FAM117B: variants seen among roughly 807,000 people sequenced by gnomAD.
FAM117B encodes the protein protein FAM117B.
FAM117B carries 22 observed loss-of-function variants against 52.8 expected under a neutral mutation model. The observed-to-expected ratio is 0.42, with a 90% CI of 0.30 to 0.59. The LOEUF (loss-of-function observed/expected upper bound fraction) is 0.59. FAM117B is among the 20% of genes least tolerant of loss of function. The pLI is 0.22. For synonymous variants in FAM117B, 309 were observed against 324.1 expected, an observed-to-expected ratio of 0.95 and a Z score of 0.50; for missense variants, 678 against 802.6, an observed-to-expected ratio of 0.84 and a Z score of 1.88.
intron 1 of FAM117B, among the ~76,000 whole-genome samples, chr2:202,657,549 C>G (rs1690071550): frequency 6.6e-6 from 1 of 152,050 alleles, no homozygotes. Flanking sequence ...TGCAGTGGCA[C>G]AATTATGGCT....
intron 2 of FAM117B, among the ~76,000 whole-genome samples, chr2:202,715,121 G>A (rs1458300347): frequency 2.6e-5 from 4 of 151,664 alleles, no homozygotes; most frequent in Non-Finnish European, 4.4e-5. Context: ...GGGCAGAGGC[G>A]CCCCCCACCT....
At chr2:202,718,902 T>C (rs1215652252) in intron 2 of FAM117B, among the ~76,000 whole-genome samples, 1 of 152,192 alleles carries the variant, frequency 6.6e-6, no homozygotes, top group Non-Finnish European at 1.5e-5. Context: ...TATCATCACA[T>C]ATATCATAAT....
intron 1 of FAM117B, among the ~76,000 whole-genome samples, chr2:202,679,367 G>A (rs938565709): frequency 6.6e-6 from 1 of 152,186 alleles, no homozygotes; most frequent in African/African-American, 2.4e-5. Flanking sequence ...TGCAGTGGCT[G>A]GAAAGAGCTG....
chr2:202,744,403 C>G (rs116428517), intron 4 of FAM117B, among the ~76,000 whole-genome samples: 1 of 152,202 alleles, frequency 6.6e-6, no homozygotes, highest in South Asian at 2.1e-4. Context: ...AGTGAATTCA[C>G]TTCTTCCCTA....
intron 2 of FAM117B, among the ~76,000 whole-genome samples, chr2:202,722,053 C>T (rs1012370366): frequency 6.7e-6 from 1 of 149,502 alleles, no homozygotes; most frequent in African/African-American, 2.5e-5. Flanking sequence ...CACTGTCGCC[C>T]GGGCTAGAGT....
intron 6 of FAM117B, 44 bp downstream of exon 6, chr2:202,757,482 C>T: frequency 6.5e-7 from 1 of 1,543,258 alleles, no homozygotes; most frequent in South Asian, 1.1e-5. Flanking sequence ...AATGGAATAC[C>T]TCCTCTTGTA....
At chr2:202,657,180 TG>T (rs970892799) in intron 1 of FAM117B, among the ~76,000 whole-genome samples, 1 of 152,038 alleles carries the variant, frequency 6.6e-6, no homozygotes, top group African/African-American at 2.4e-5. Flanking sequence ...CTCCTCCTCT[TG>T]GGTTCAAGCA....
At chr2:202,681,830 A>G (rs1473647010) in intron 1 of FAM117B, among the ~76,000 whole-genome samples, 1 of 152,234 alleles carries the variant, frequency 6.6e-6, no homozygotes, top group African/African-American at 2.4e-5. Context: ...CCTCAAACTG[A>G]AAAAGCCTGG....
Position 202,766,438 on chromosome 2 carries a change from T to G in FAM117B, c.*674T>G, listed in dbSNP as rs1179710230. Reference sequence around the variant, plus strand: ...TATAAAAAGAGATTAAAAAGCAATATTCGTACATTATGTGATTTATGTTTT... The same window carrying G: ...TATAAAAAGAGATTAAAAAGCAATAGTCGTACATTATGTGATTTATGTTTT... On this transcript the variant is annotated 3_prime_UTR_variant, in exon 8 of 8. Coordinates refer to ENST00000392238, the MANE Select transcript of FAM117B (RefSeq NM_173511.4). 1 of 152,632 alleles carries G rather than the reference T, an allele frequency of 6.6e-6. No individual in the cohort carries two copies. The highest frequency in any genetic ancestry group is 1.5e-5 in the Non-Finnish European group (1 of 68,050). The allele number at this position is 152,632 out of a possible 1,614,324, so 9.5% of individuals were successfully genotyped here.
intron 1 of FAM117B, among the ~76,000 whole-genome samples, chr2:202,663,764 A>G (rs1690164359): frequency 1.3e-5 from 2 of 152,024 alleles, no homozygotes; most frequent in Admixed American, 6.6e-5. Context: ...TTGTATTTTT[A>G]GTGGAGACGG....
chr2:202,712,356 A>G (rs1234511913), intron 2 of FAM117B, among the ~76,000 whole-genome samples: 4 of 151,200 alleles, frequency 2.6e-5, no homozygotes. Context: ...TGGCATATAG[A>G]AATATCACTG....
At position 202,743,779 on chromosome 2, in the gene FAM117B, C is replaced by T. The variant is rs1239636549; in HGVS notation, c.961-11759C>T. 2.0e-5 allele frequency among the ~76,000 whole-genome samples: 3 copies of T among 152,060 alleles called. No homozygotes were observed. In the East Asian group the frequency reaches 5.8e-4, roughly 29 times the overall value. On this transcript the variant is annotated intron_variant, in intron 4 of 7. Coordinates refer to ENST00000392238, the MANE Select transcript of FAM117B (RefSeq NM_173511.4). ...TGAGAGCTTTAGCAATAGACTAGAT[C>T]AAGCAAAAGAAAGAATTTCTCAACT... is the stretch of plus-strand genomic sequence containing the variant.
intron 1 of FAM117B, among the ~76,000 whole-genome samples, chr2:202,673,433 GTTTTTTTTTTTTTTTTTTTT>G (rs1158185300): frequency 2.7e-5 from 1 of 37,510 alleles, no homozygotes; most frequent in South Asian, 1.5e-3. Flanking sequence ...TTCTTTTTCT[GTTTTTTTTTTTTTTTTTTTT>G]TTTTTTTTTT....
chr2:202,662,128 GTGTGTGTGTGTATGTGTGTA>G (rs1409458030), intron 1 of FAM117B, among the ~76,000 whole-genome samples: 1 of 151,688 alleles, frequency 6.6e-6, no homozygotes, highest in African/African-American at 2.4e-5. Context: ...AGGTGTGTGT[GTGTGTGTGTGTATGTGTGTA>G]TGTGTGTGTG....
chr2:202,704,547 GAAAGCTGA>G (rs1165454678), intron 2 of FAM117B, among the ~76,000 whole-genome samples: 1 of 152,160 alleles, frequency 6.6e-6, no homozygotes, highest in African/African-American at 2.4e-5. Flanking sequence ...GGTGCTTTCA[GAAAGCTGA>G]TGTAGACTTT....
At chr2:202,702,556 A>G (rs774972406) in intron 2 of FAM117B, among the ~76,000 whole-genome samples, 14 of 152,246 alleles carry the variant, frequency 9.2e-5, no homozygotes, top group African/African-American at 3.1e-4. Context: ...TCAGATGATC[A>G]TTAGCATTTT....
At chr2:202,671,438 C>T (rs182122006) in intron 1 of FAM117B, among the ~76,000 whole-genome samples, 37 of 152,342 alleles carry the variant, frequency 2.4e-4, no homozygotes, top group African/African-American at 8.9e-4. Context: ...TCTTGCCCTT[C>T]ACTGGTTGAA....
At chr2:202,682,489 A>C (rs1690477034) in intron 1 of FAM117B, among the ~76,000 whole-genome samples, 1 of 152,192 alleles carries the variant, frequency 6.6e-6, no homozygotes, top group African/African-American at 2.4e-5. Context: ...GTAACAAGTG[A>C]GTGGGAGTTG....
intron 2 of FAM117B, among the ~76,000 whole-genome samples, chr2:202,711,324 T>C (rs536758976): frequency 6.6e-6 from 1 of 152,336 alleles, no homozygotes; most frequent in Admixed American, 6.5e-5. Context: ...TTGAGCACTT[T>C]TACATATACC....
Sources: allele counts gnomAD v4.1 joint callset (sites outside exome capture counted in the v4.1 genomes callset), GRCh38; gene constraint gnomAD v4.1.1; transcripts MANE v1.5; gene names NCBI Gene and HGNC (gene_info 2026-07-23, HGNC 2026-07-21).